Variants in DPP6 observed in about 807,000 individuals in gnomAD.
The protein encoded by DPP6 is dipeptidyl peptidase like 6.
In DPP6, 69 loss-of-function variants were observed where a neutral mutation model predicts 122.6. That is an observed-to-expected ratio of 0.56 (90% CI 0.46 to 0.69). The LOEUF is 0.69. Among genes scored for constraint, DPP6 ranks in the 30% least tolerant of loss-of-function variants. The probability of loss-of-function intolerance (pLI) is 0.00; values close to 1 mark genes in which losing one functional copy is unlikely to be tolerated. For missense variants in DPP6, 928 were observed against 1,116.9 expected, an observed-to-expected ratio of 0.83 and a Z score of 2.41; for synonymous variants, 418 against 433.1, an observed-to-expected ratio of 0.97 and a Z score of 0.43.
At chr7:154,288,320 G>A (rs1031310927) in intron 1 of DPP6, among the ~76,000 whole-genome samples, 4 of 152,204 alleles carry the variant, frequency 2.6e-5, no homozygotes, top group Non-Finnish European at 4.4e-5. Flanking sequence ...TGTGCATCAG[G>A]ACCGAGGGAA....
intron 5 of DPP6, among the ~76,000 whole-genome samples, chr7:154,621,454 C>T (rs187958722): frequency 5.3e-5 from 8 of 152,246 alleles, no homozygotes; most frequent in Middle Eastern, 3.4e-3. Flanking sequence ...CTGCAACCTC[C>T]GCCTCCTGGG....
the DPP6 span, among the ~76,000 whole-genome samples, chr7:153,778,551 T>C: frequency 6.7e-6 from 1 of 149,720 alleles, no homozygotes; most frequent in South Asian, 2.1e-4. Flanking sequence ...CCCATTTTAG[T>C]GTACAGTTTT....
chr7:153,963,340 G>A (rs1446601187), intron 1 of DPP6, among the ~76,000 whole-genome samples: 1 of 149,896 alleles, frequency 6.7e-6, no homozygotes, highest in African/African-American at 2.4e-5. Flanking sequence ...TTTCTCCCTC[G>A]TCTTGCTCCT....
intron 1 of DPP6, among the ~76,000 whole-genome samples, chr7:153,890,424 C>G (rs986567239): frequency 3.9e-5 from 6 of 152,230 alleles, no homozygotes; most frequent in Admixed American, 3.3e-4. Flanking sequence ...GGACCTGCAG[C>G]CTGTTGTTTC....
intron 5 of DPP6, among the ~76,000 whole-genome samples, chr7:154,595,987 G>C (rs987559404): frequency 6.6e-6 from 1 of 151,960 alleles, no homozygotes; most frequent in African/African-American, 2.4e-5. Context: ...CTTGAACCCA[G>C]GAGGCAGAGG....
At chr7:154,124,364 G>C (rs575615296) in intron 1 of DPP6, among the ~76,000 whole-genome samples, 1 of 152,262 alleles carries the variant, frequency 6.6e-6, no homozygotes, top group Admixed American at 6.5e-5. Flanking sequence ...GTGAGAGCAT[G>C]AGAGGGACAC....
At chr7:153,869,190 C>G in the DPP6 span, among the ~76,000 whole-genome samples, 1 of 152,236 alleles carries the variant, frequency 6.6e-6, no homozygotes, top group Non-Finnish European at 1.5e-5. Flanking sequence ...GAGCTGAGTT[C>G]AATTCCTGGA....
At chr7:154,510,655 C>T (rs1403219266) in intron 3 of DPP6, among the ~76,000 whole-genome samples, 5 of 150,280 alleles carry the variant, frequency 3.3e-5, no homozygotes, top group South Asian at 2.1e-4. Flanking sequence ...GCTGAGATCA[C>T]GCCATTGCAC....
intron 1 of DPP6, among the ~76,000 whole-genome samples, chr7:154,101,846 T>G (rs1015382158): frequency 6.8e-6 from 1 of 146,078 alleles, no homozygotes; most frequent in African/African-American, 2.6e-5. Context: ...GAGAATCACT[T>G]GAACCTGGGA....
At chr7:154,707,360 A>G (rs1840891399) in intron 7 of DPP6, among the ~76,000 whole-genome samples, 1 of 152,232 alleles carries the variant, frequency 6.6e-6, no homozygotes, top group Non-Finnish European at 1.5e-5. Context: ...CAAAATGCAG[A>G]GCAGTTAAAT....
intron 5 of DPP6, among the ~76,000 whole-genome samples, chr7:154,574,886 GGT>G (rs1330021109): frequency 6.3e-5 from 9 of 142,112 alleles, no homozygotes; most frequent in Non-Finnish European, 1.4e-4. Flanking sequence ...GTGTGTGTGT[GGT>G]GTGTGTATAT....
At chr7:154,650,076 T>TG (rs754622299) in intron 6 of DPP6, among the ~76,000 whole-genome samples, 1 of 152,120 alleles carries the variant, frequency 6.6e-6, no homozygotes, top group Non-Finnish European at 1.5e-5. Flanking sequence ...TCCCAGCATT[T>TG]GGGGAGGTCA....
intron 1 of DPP6, among the ~76,000 whole-genome samples, chr7:154,365,515 G>C (rs548446683): frequency 1.4e-4 from 21 of 152,142 alleles, no homozygotes; most frequent in African/African-American, 5.1e-4. Flanking sequence ...GGAGGGGAAC[G>C]TGTAACTATG....
intron 1 of DPP6, among the ~76,000 whole-genome samples, chr7:154,235,122 G>A (rs988993731): frequency 6.6e-6 from 1 of 152,156 alleles, no homozygotes; most frequent in African/African-American, 2.4e-5. Flanking sequence ...CACCACAATC[G>A]ATTTTAGGAC....
upstream of DPP6, among the ~76,000 whole-genome samples, chr7:154,050,052 C>T (rs1800221901): frequency 6.6e-6 from 1 of 152,190 alleles, no homozygotes; most frequent in African/African-American, 2.4e-5. Context: ...CATTCCGGCT[C>T]CTTTCACACC....
At chr7:154,326,002 G>T (rs1808416974) in intron 1 of DPP6, among the ~76,000 whole-genome samples, 1 of 152,086 alleles carries the variant, frequency 6.6e-6, no homozygotes, top group Admixed American at 6.5e-5. Context: ...TATTTTTCAT[G>T]CATAAAGCCT....
intron 1 of DPP6, among the ~76,000 whole-genome samples, chr7:154,375,310 G>A (rs937447420): frequency 6.6e-6 from 1 of 152,050 alleles, no homozygotes; most frequent in African/African-American, 2.4e-5. Context: ...GCAGGAGGTC[G>A]ACCACAATGG....
At chr7:154,828,523 A>T (rs1325349159) in intron 16 of DPP6, among the ~76,000 whole-genome samples, 1 of 152,230 alleles carries the variant, frequency 6.6e-6, no homozygotes, top group African/African-American at 2.4e-5. Context: ...ATGAGAAGCC[A>T]GATAGAAAAG....
At chr7:153,879,340 C>A in the DPP6 span, among the ~76,000 whole-genome samples, 1 of 152,058 alleles carries the variant, frequency 6.6e-6, no homozygotes, top group Admixed American at 6.6e-5. Context: ...AAAATACCAG[C>A]CCAAGCTTTT....
Sources: gnomAD v4.1 joint callset for allele counts (sites outside exome capture counted in the v4.1 genomes callset) on GRCh38, gnomAD v4.1.1 for gene constraint, MANE v1.5 for transcripts, NCBI Gene and HGNC (gene_info 2026-07-23, HGNC 2026-07-21) for gene names.